Variants in BTBD10 observed in about 807,000 individuals in gnomAD.
The protein encoded by BTBD10 is BTB/POZ domain-containing protein 10.
BTBD10 carries 21 observed loss-of-function variants against 53.2 expected under a neutral mutation model. That is an observed-to-expected ratio of 0.39 (90% CI 0.28 to 0.57). BTBD10 has a LOEUF of 0.57. Among genes scored for constraint, BTBD10 ranks in the 20% least tolerant of loss-of-function variants. The pLI, the probability that BTBD10 is intolerant of heterozygous loss-of-function variation, is 0.53. For synonymous variants in BTBD10, 149 were observed against 192.7 expected, an observed-to-expected ratio of 0.77 and a Z score of 1.88; for missense variants, 360 against 594.7, an observed-to-expected ratio of 0.61 and a Z score of 4.10.
chr11:13,416,870 A>G (rs7124387), intron 5 of BTBD10, among the ~76,000 whole-genome samples: 117,407 of 151,966 alleles, frequency 0.77, 46,276 homozygotes, highest in Middle Eastern at 0.88. Context: ...TGTAGTCCCA[A>G]CTACTCAGGA....
intron 6 of BTBD10, among the ~76,000 whole-genome samples, chr11:13,412,432 GAC>G (rs1208294488): frequency 6.6e-6 from 1 of 152,048 alleles, no homozygotes; most frequent in Admixed American, 6.5e-5. Flanking sequence ...CAGCCTGGGT[GAC>G]ACAGCGAGAC....
intron 1 of BTBD10, among the ~76,000 whole-genome samples, chr11:13,460,414 T>C (rs936418812): frequency 5.9e-5 from 9 of 152,148 alleles, no homozygotes; most frequent in African/African-American, 2.2e-4. Flanking sequence ...TTACTTAGCT[T>C]TGACCTCTAG....
At chr11:13,414,673 A>G (rs1591118979) in intron 5 of BTBD10, among the ~76,000 whole-genome samples, 2 of 151,106 alleles carry the variant, frequency 1.3e-5, no homozygotes. Context: ...ATAATAAAAA[A>G]AAAAAAGAAT....
intron 1 of BTBD10, among the ~76,000 whole-genome samples, chr11:13,461,370 A>G (rs191268093): frequency 1.3e-5 from 2 of 152,338 alleles, no homozygotes; most frequent in East Asian, 3.9e-4. Context: ...ATTCTTATAT[A>G]GCACTGATTA....
At chr11:13,454,266 A>G (rs1054131092) in intron 1 of BTBD10, among the ~76,000 whole-genome samples, 6 of 152,210 alleles carry the variant, frequency 3.9e-5, no homozygotes, top group Non-Finnish European at 8.8e-5. Context: ...AGCAAAAATT[A>G]TAACAATTCA....
At chr11:13,458,929 C>G (rs1235542561) in intron 1 of BTBD10, among the ~76,000 whole-genome samples, 1 of 152,078 alleles carries the variant, frequency 6.6e-6, no homozygotes, top group Non-Finnish European at 1.5e-5. Flanking sequence ...TTGAAACAAT[C>G]CAGCACTATT....
intron 2 of BTBD10, among the ~76,000 whole-genome samples, chr11:13,443,685 G>A (rs1050344750): frequency 3.3e-5 from 5 of 151,838 alleles, no homozygotes; most frequent in African/African-American, 9.7e-5. Context: ...CCAGGTTCAA[G>A]GAATTCTCGT....
chr11:13,448,989 T>A (rs900138282), intron 1 of BTBD10, among the ~76,000 whole-genome samples: 1 of 152,102 alleles, frequency 6.6e-6, no homozygotes, highest in Non-Finnish European at 1.5e-5. Context: ...CTAGAAATCA[T>A]CTGTACAGAG....
At chr11:13,427,669 T>C (rs1010153482) in intron 2 of BTBD10, among the ~76,000 whole-genome samples, 1 of 152,148 alleles carries the variant, frequency 6.6e-6, no homozygotes, top group African/African-American at 2.4e-5. Flanking sequence ...GGCAGAAAAC[T>C]CATGCTTTTC....
At position 13,431,557 on chromosome 11, in the gene BTBD10, C is replaced by T. The variant is rs1020100398; in HGVS notation, c.102-9719G>A. On this transcript the variant is annotated intron_variant, in intron 2 of 8. Transcript: ENST00000278174. Reference sequence around the variant, plus strand: ...TGTTTTCTTTAATACCAACTTTTCACTTTGTTTCAAAATCATGCTTTGAAG... The same window carrying T: ...TGTTTTCTTTAATACCAACTTTTCATTTTGTTTCAAAATCATGCTTTGAAG... Among the ~76,000 whole-genome samples the T allele has an allele frequency of 1.8e-4, 27 of 152,268 alleles. 1 individual carries two copies. The highest frequency in any genetic ancestry group is 6.3e-4 in the African/African-American group (26 of 41,564).
At chr11:13,449,208 T>C (rs1565270685) in intron 1 of BTBD10, among the ~76,000 whole-genome samples, 2 of 152,130 alleles carry the variant, frequency 1.3e-5, no homozygotes, top group African/African-American at 2.4e-5. Context: ...TAGTATCAAT[T>C]AATGGTAATG....
intron 2 of BTBD10, among the ~76,000 whole-genome samples, chr11:13,431,288 A>C (rs1184181969): frequency 6.6e-6 from 1 of 152,120 alleles, no homozygotes; most frequent in Non-Finnish European, 1.5e-5. Flanking sequence ...GATTAAAAAC[A>C]TCTACCATCA....
At chr11:13,411,490 A>C (rs1023051344) in intron 6 of BTBD10, among the ~76,000 whole-genome samples, 1 of 150,954 alleles carries the variant, frequency 6.6e-6, no homozygotes, top group African/African-American at 2.4e-5. Context: ...AGAATCTCTA[A>C]ATTTTTAGTA....
At chr11:13,451,236 T>C (rs961615283) in intron 1 of BTBD10, among the ~76,000 whole-genome samples, 1 of 152,184 alleles carries the variant, frequency 6.6e-6, no homozygotes, top group African/African-American at 2.4e-5. Context: ...AACTCTGCCC[T>C]TGAAAGCTGC....
At chr11:13,455,595 T>G (rs1238597553) in intron 1 of BTBD10, among the ~76,000 whole-genome samples, 1 of 152,108 alleles carries the variant, frequency 6.6e-6, no homozygotes, top group Non-Finnish European at 1.5e-5. Flanking sequence ...CCTAAAGAAA[T>G]AACAATGTTT....
At chr11:13,415,909 G>T (rs1950095781) in intron 5 of BTBD10, among the ~76,000 whole-genome samples, 1 of 151,298 alleles carries the variant, frequency 6.6e-6, no homozygotes, top group Non-Finnish European at 1.5e-5. Flanking sequence ...ACCTGCCTTG[G>T]TCTCTTAGCG....
chr11:13,456,677 T>C (rs1203809391), intron 1 of BTBD10, among the ~76,000 whole-genome samples: 2 of 152,088 alleles, frequency 1.3e-5, no homozygotes, highest in African/African-American at 4.8e-5. Context: ...ATTTCTCTTC[T>C]CCAAAACAGA....
intron 3 of BTBD10, 41 bp downstream of exon 3, chr11:13,421,601 G>A: frequency 1.3e-6 from 2 of 1,530,136 alleles, no homozygotes; most frequent in African/African-American, 2.7e-5. Context: ...GTAAATGCAT[G>A]TTTTTAAGAA....
At position 13,446,289 on chromosome 11, in the gene BTBD10, A is replaced by G. The variant is rs566793484; in HGVS notation, c.-57-1108T>C. On this transcript the variant is annotated intron_variant, in intron 1 of 8. Coordinates refer to ENST00000278174, the MANE Select transcript of BTBD10 (RefSeq NM_032320.7). ...AGAGTTGTACATAAAAGTCAAAGGG[A>G]AATTCCAAAACTGGGAAAATACTAT... is the stretch of plus-strand genomic sequence containing the variant. Among the ~76,000 whole-genome samples the G allele has an allele frequency of 1.9e-3, 289 of 152,292 alleles. 2 individuals carry two copies. Among genetic ancestry groups the G allele is most frequent in the Middle Eastern group, 0.01 (3 of 294 alleles).
Sources: gnomAD v4.1 joint callset for allele counts (sites outside exome capture counted in the v4.1 genomes callset) on GRCh38, gnomAD v4.1.1 for gene constraint, MANE v1.5 for transcripts, NCBI Gene and HGNC (gene_info 2026-07-23, HGNC 2026-07-21) for gene names.